R3HDML: variants seen among roughly 807,000 people sequenced by gnomAD.
R3HDML encodes R3H domain containing like, also known as peptidase inhibitor R3HDML.
A neutral mutation model predicts 24.2 loss-of-function variants in R3HDML; 21 were observed. The observed-to-expected ratio is 0.87, with a 90% confidence interval of 0.62 to 1.25. The LOEUF is 1.25. Ranked by LOEUF, R3HDML falls within the 50% of genes most tolerant of loss-of-function variation. The pLI is 0.00. For synonymous variants in R3HDML, 133 were observed against 131.5 expected (o/e 1.01, Z -0.08); for missense variants, 301 against 340.3 (o/e 0.88, Z 0.91).
At chr20:44,347,373 T>G (rs1368974940) in intron 4 of R3HDML, among the ~76,000 whole-genome samples, 1 of 151,740 alleles carries the variant, frequency 6.6e-6, no homozygotes, top group Non-Finnish European at 1.5e-5. Context: ...CATGCACCAT[T>G]ACACCTGGCT....
intron 4 of R3HDML, chr20:44,347,841 G>T (rs1185765842): frequency 6.6e-6 from 1 of 152,020 alleles, no homozygotes; most frequent in East Asian, 1.9e-4. Flanking sequence ...CTCAAAACAG[G>T]ATACTTGTTA....
Position 44,337,256 on chromosome 20 carries a change from G to C in R3HDML, c.99G>C (p.Pro33=). The change falls in exon 1 of 5, where the codon CCG becomes CCC. Residue 33 remains proline (P), a synonymous_variant. Transcript: ENST00000217043. This position sits in a 1 kb window ranked among gnomAD's most constrained non-coding sequence, Gnocchi z 4.7. ...ALIMPNATPA[P]AQPESTAMRL... ...TAATGCCTAATGCTACCCCAGCCCC[G>C]GCCCAGCCCGAGAGCACGGCTATGC... The C allele has an allele frequency of 6.2e-7, 1 of 1,614,076 alleles. No individual in the cohort carries two copies. Among genetic ancestry groups the C allele is most frequent in the Non-Finnish European group, 8.5e-7 (1 of 1,180,014 alleles).
In R3HDML at chr20:44,350,919, T is replaced by C; in HGVS notation, c.*127T>C. ...GTTAGAATCACCCCCTGTTGAATTT[T>C]CCCTCCTAGATCCCCTTCTTAAATG... On this transcript the variant is annotated 3_prime_UTR_variant, in exon 5 of 5. Coordinates refer to ENST00000217043, the MANE Select transcript of R3HDML (RefSeq NM_178491.4). The C allele has an allele frequency of 3.6e-6, 4 of 1,096,484 alleles. No individual in the cohort carries two copies. The South Asian group carries it at 4.6e-5, about 13-fold the overall frequency. 67.9% of individuals were successfully genotyped at this position (1,096,484 alleles called of 1,614,324 possible).
chr20:44,348,876 T>G (rs955263176), intron 4 of R3HDML, among the ~76,000 whole-genome samples: 14 of 151,920 alleles, frequency 9.2e-5, no homozygotes, highest in Non-Finnish European at 1.9e-4. Flanking sequence ...TGAGGCCAGG[T>G]GTGGTGGCTC....
intron 4 of R3HDML, among the ~76,000 whole-genome samples, chr20:44,347,085 C>A (rs1468573937): frequency 1.3e-5 from 2 of 152,146 alleles, no homozygotes; most frequent in African/African-American, 2.4e-5. Context: ...GAGGTTGCAG[C>A]GAGCTGAGAT....
At position 44,347,214 on chromosome 20, in the gene R3HDML, CTTTTTTCT is replaced by C. The variant is rs2062789781; in HGVS notation, c.629+1843_629+1850del. On this transcript the variant is annotated intron_variant, in intron 4 of 4. Transcript: ENST00000217043. ...CATGATATTTAGAATTTCTTTTTTT[CTTTTTTCT>C]TTTTTTTTTGGGGGGGGACGAGGTC... 2.9e-5 allele frequency among the ~76,000 whole-genome samples: 4 copies of C among 139,778 alleles called. No homozygotes were observed. The East Asian group carries it at 1.3e-3, about 44-fold the overall frequency. The allele number at this position is 139,778 out of a possible 152,430, so 91.7% of individuals were successfully genotyped here.
Position 44,345,342 on chromosome 20 carries a change from A to C in R3HDML, c.593A>C (p.His198Pro), listed in dbSNP as rs1228166696. 1 of 1,614,126 alleles carries C rather than the reference A, an allele frequency of 6.2e-7. No individual in the cohort carries two copies. Among genetic ancestry groups the C allele is most frequent in the East Asian group, 2.2e-5 (1 of 44,880 alleles). Residue 198 changes from histidine to proline, a missense_variant, in exon 4 of 5, where the codon CAT (histidine) becomes CCT (proline). By Grantham distance (77) the His-to-Pro change is moderately conservative. Transcript: ENST00000217043. ...SSISVWGNTWHRAAYLVCNYA... is the reference protein window; with the variant it reads ...SSISVWGNTWPRAAYLVCNYA... ...ATCAGTGTCTGGGGCAACACCTGGC[A>C]TCGGGCGGCATACCTGGTCTGCAAC...
intron 4 of R3HDML, among the ~76,000 whole-genome samples, chr20:44,346,885 C>T (rs188146248): frequency 5.3e-5 from 8 of 152,308 alleles, no homozygotes; most frequent in Non-Finnish European, 1.2e-4. Flanking sequence ...CTTACACCTG[C>T]AATCCCAGCA....
intron 4 of R3HDML, among the ~76,000 whole-genome samples, chr20:44,350,000 G>A (rs1175262266): frequency 6.6e-6 from 1 of 152,174 alleles, no homozygotes; most frequent in African/African-American, 2.4e-5. Context: ...AACCCAGGAG[G>A]CGGAGGCTGC....
At chr20:44,350,338 AC>A (rs138605485) in intron 4 of R3HDML, among the ~76,000 whole-genome samples, 1 of 151,294 alleles carries the variant, frequency 6.6e-6, no homozygotes, top group Admixed American at 6.6e-5. Context: ...GTATAGGGAG[AC>A]CCCCCATCTC....
rs1340913211 is a variant in R3HDML, at chr20:44,337,732, C to T, written c.261+314C>T. On this transcript the variant is annotated intron_variant, in intron 1 of 4. Transcript: ENST00000217043. The surrounding 1 kb of genome is among the most constrained non-coding windows in gnomAD (Gnocchi z 4.7). ...TTTTCCAGAGGAAGAAACTGAGACT[C>T]AGAGAATTAATTTGCCCAGCCAGGA... Among the ~76,000 whole-genome samples the T allele has an allele frequency of 7.5e-6, 1 of 132,876 alleles. No homozygotes were observed. The highest frequency in any genetic ancestry group is 1.6e-5 in the Non-Finnish European group (1 of 63,648). The allele number at this position is 132,876 out of a possible 152,430, so 87.2% of individuals were successfully genotyped here. A position where few individuals can be genotyped will look rare whatever the true frequency, so the allele number is the denominator to read the frequency against.
chr20:44,337,130 G>C lies in R3HDML; in HGVS notation c.-28G>C. 6.2e-7 allele frequency: 1 copy of C among 1,603,018 alleles called. No individual in the cohort carries two copies. The highest frequency in any genetic ancestry group is 1.7e-5 in the Admixed American group (1 of 59,630). Reference sequence around the variant, plus strand: ...CAGGCAGCCGGCTCTGATTGCACAAGGCAGACCTGTGACTCCTCCATCCAG... The same window carrying C: ...CAGGCAGCCGGCTCTGATTGCACAACGCAGACCTGTGACTCCTCCATCCAG... On this transcript the variant is annotated 5_prime_UTR_variant, in exon 1 of 5. Coordinates refer to ENST00000217043, the MANE Select transcript of R3HDML (RefSeq NM_178491.4). This position sits in a 1 kb window ranked among gnomAD's most constrained non-coding sequence, Gnocchi z 4.7.
At chr20:44,338,457 G>C (rs2062763612) in intron 1 of R3HDML, among the ~76,000 whole-genome samples, 1 of 152,172 alleles carries the variant, frequency 6.6e-6, no homozygotes, top group Non-Finnish European at 1.5e-5. Context: ...ATACAGTGTT[G>C]GGAGGGGCGG....
At position 44,343,368 on chromosome 20, in the gene R3HDML, C is replaced by T. The variant is rs753641239; in HGVS notation, c.381-9C>T. 1.2e-5 allele frequency: 20 copies of T among 1,607,050 alleles called. No homozygotes were observed. Among genetic ancestry groups the T allele is most frequent in the Non-Finnish European group, 1.7e-5 (20 of 1,177,182 alleles). The stretch of plus-strand genomic sequence containing the variant: ...CACCCAGCTTCTTCCGTGTCCCCCG[C>T]CTCCCCAGGTACCGGTCCGTAGTGG... On this transcript the variant is annotated splice_polypyrimidine_tract_variant and intron_variant, in intron 2 of 4. Transcript: ENST00000217043.
chr20:44,341,169 G>C lies in R3HDML; in HGVS notation c.262-27G>C, dbSNP rs775868882. 3 of 1,580,238 alleles carry C rather than the reference G, an allele frequency of 1.9e-6. No homozygotes were observed. In the Admixed American group the frequency reaches 5.2e-5, roughly 27 times the overall value. On this transcript the variant is annotated intron_variant, in intron 1 of 4. Transcript: ENST00000217043. ...GTGACGATGGTGGCAATTCCCCTGG[G>C]GAATTTCATTGCCTTTCTTTCCCCA...
intron 4 of R3HDML, among the ~76,000 whole-genome samples, chr20:44,347,097 A>C (rs2062789260): frequency 6.6e-6 from 1 of 152,232 alleles, no homozygotes; most frequent in Non-Finnish European, 1.5e-5. Flanking sequence ...AGCTGAGATC[A>C]CACCACTGCA....
Position 44,350,802 on chromosome 20 carries a change from G to T in R3HDML, c.*10G>T. On this transcript the variant is annotated 3_prime_UTR_variant, in exon 5 of 5. Transcript: ENST00000217043. ...GTTCACGTGGTTCTGAATTTTCTCT[G>T]GGCTTTGGTGCGCCTCCAGCTGGGC... 6.2e-7 allele frequency: 1 copy of T among 1,613,596 alleles called. No individual in the cohort carries two copies. The highest frequency in any genetic ancestry group is 8.5e-7 in the Non-Finnish European group (1 of 1,179,790).
chr20:44,346,970 C>T (rs765329413), intron 4 of R3HDML, among the ~76,000 whole-genome samples: 5 of 152,106 alleles, frequency 3.3e-5, no homozygotes, highest in African/African-American at 4.8e-5. Context: ...GGCAAAACCT[C>T]GTGTCTACCA....
At chr20:44,339,577 A>ATGTGTGTGTGTGTGTGTG (rs1037269097) in intron 1 of R3HDML, among the ~76,000 whole-genome samples, 134 of 108,634 alleles carry the variant, frequency 1.2e-3, no homozygotes, top group African/African-American at 4.5e-3. Context: ...TTGCCTATAT[A>ATGTGTGTGTGTGTGTGTG]TATGTGTGTG....
Sources: allele counts gnomAD v4.1 joint callset (sites outside exome capture counted in the v4.1 genomes callset), GRCh38; gene constraint gnomAD v4.1.1; non-coding constraint Gnocchi (gnomAD v3.1); transcripts MANE v1.5; gene names NCBI Gene and HGNC (gene_info 2026-07-23, HGNC 2026-07-21).